CLEC2D: variants seen among roughly 807,000 people sequenced by gnomAD.
The protein encoded by CLEC2D is C-type lectin related f.
A neutral mutation model predicts 20.0 loss-of-function variants in CLEC2D; 16 were observed. The ratio of observed to expected loss-of-function variants is 0.80; its 90% CI spans 0.54 to 1.22. The LOEUF (loss-of-function observed/expected upper bound fraction) is 1.22, where lower values mean the gene tolerates loss of function less well. CLEC2D is among the 50% of genes most tolerant of loss of function. CLEC2D has a pLI of 0.00. For missense variants in CLEC2D, 207 were observed against 221.5 expected (o/e 0.93, Z 0.42); for synonymous variants, 77 against 71.1 (o/e 1.08, Z -0.42).
chr12:9,692,197 G>A (rs1429525741), intron 3 of CLEC2D, among the ~76,000 whole-genome samples: 5 of 152,046 alleles, frequency 3.3e-5, no homozygotes, highest in Non-Finnish European at 4.4e-5. Context: ...GTGCAGTGGC[G>A]TGATCTTGGC....
In CLEC2D at chr12:9,669,811, C is replaced by T. The variant is rs1475820727; in HGVS notation, c.61+16C>T. 2 of 1,594,626 alleles carry T rather than the reference C, an allele frequency of 1.3e-6. No individual in the cohort carries two copies. The highest frequency in any genetic ancestry group is 8.6e-7 in the Non-Finnish European group (1 of 1,162,766). ...GCAAACCCAGGTAAGAAGCTGGGCT[C>T]TACAGAGTAAGTGTGAGGACTGGAA... On this transcript the variant is annotated intron_variant, in intron 1 of 4. Coordinates refer to ENST00000290855, the MANE Select transcript of CLEC2D (RefSeq NM_013269.6).
At chr12:9,672,359 G>A (rs777956558) in intron 1 of CLEC2D, among the ~76,000 whole-genome samples, 2 of 152,262 alleles carry the variant, frequency 1.3e-5, no homozygotes, top group African/African-American at 4.8e-5. Flanking sequence ...TCAAACCATA[G>A]CAGTCTCTAA....
At chr12:9,679,763 G>T (rs1488145264) in intron 1 of CLEC2D, among the ~76,000 whole-genome samples, 2 of 152,128 alleles carry the variant, frequency 1.3e-5, no homozygotes, top group Non-Finnish European at 2.9e-5. Flanking sequence ...CTAGTGTTGG[G>T]GGGAATGTTG....
chr12:9,683,678 G>C (rs966872755), intron 2 of CLEC2D, among the ~76,000 whole-genome samples: 1 of 152,052 alleles, frequency 6.6e-6, no homozygotes, highest in Admixed American at 6.5e-5. Context: ...AAGATCAGAT[G>C]GTTGTAGATG....
At chr12:9,670,582 G>C (rs35237063) in intron 1 of CLEC2D, among the ~76,000 whole-genome samples, 8,965 of 152,262 alleles carry the variant, frequency 0.059, 319 homozygotes, top group Non-Finnish European at 0.084. Flanking sequence ...TCCTTGGCTT[G>C]TGTTTTCTTT....
At chr12:9,675,845 T>C (rs1865511026) in intron 1 of CLEC2D, among the ~76,000 whole-genome samples, 3 of 152,242 alleles carry the variant, frequency 2.0e-5, no homozygotes, top group Non-Finnish European at 2.9e-5. Flanking sequence ...ACATATAGAT[T>C]TTGTATATAT....
chr12:9,679,089 GTTAT>G (rs1332046227), intron 1 of CLEC2D, among the ~76,000 whole-genome samples: 2 of 151,924 alleles, frequency 1.3e-5, no homozygotes, highest in Non-Finnish European at 2.9e-5. Context: ...TGTCATTTCT[GTTAT>G]TTATTTTATT....
intron 1 of CLEC2D, among the ~76,000 whole-genome samples, chr12:9,674,996 A>C (rs1865493583): frequency 6.6e-6 from 1 of 152,134 alleles, no homozygotes; most frequent in South Asian, 2.1e-4. Flanking sequence ...AAAAATGTAA[A>C]ATCTGGGCCT....
Position 9,698,065 on chromosome 12 carries a change from C to T in CLEC2D, c.*3191C>T, listed in dbSNP as rs1165840735. 1.3e-5 allele frequency: 2 copies of T among 152,086 alleles called. No individual in the cohort carries two copies. The highest frequency in any genetic ancestry group is 2.9e-5 in the Non-Finnish European group (2 of 68,022). The allele number at this position is 152,086 out of a possible 1,614,324, so 9.4% of individuals were successfully genotyped here. A position where few individuals can be genotyped will look rare whatever the true frequency, so the allele number is the denominator to read the frequency against. On this transcript the variant is annotated 3_prime_UTR_variant, in exon 5 of 5. Coordinates refer to ENST00000290855, the MANE Select transcript of CLEC2D (RefSeq NM_013269.6). ...GAGATACATGATAAATTTCTATCTG[C>T]AGTTGCTATTTGCATTTTTAAAGGA...
In CLEC2D at chr12:9,698,057, T is replaced by A. The variant is rs1431366790; in HGVS notation, c.*3183T>A. ...CACATTGGGAGATACATGATAAATTTCTATCTGCAGTTGCTATTTGCATTT... is the reference window on the plus strand; with the variant it reads ...CACATTGGGAGATACATGATAAATTACTATCTGCAGTTGCTATTTGCATTT... On this transcript the variant is annotated 3_prime_UTR_variant, in exon 5 of 5. Coordinates refer to ENST00000290855, the MANE Select transcript of CLEC2D (RefSeq NM_013269.6). 1 of 152,198 alleles carries A rather than the reference T, an allele frequency of 6.6e-6. No homozygotes were observed. Among genetic ancestry groups the A allele is most frequent in the Non-Finnish European group, 1.5e-5 (1 of 68,036 alleles). 9.4% of individuals were successfully genotyped at this position (152,198 alleles called of 1,614,324 possible).
intron 4 of CLEC2D, chr12:9,693,969 CTTTTTTTTTT>C (rs67746754): frequency 9.4e-5 from 6 of 63,678 alleles, no homozygotes; most frequent in South Asian, 2.4e-4. Context: ...CCTTGCTTGG[CTTTTTTTTTT>C]TTTTTTTTTT....
chr12:9,695,175 G>A lies in CLEC2D; in HGVS notation c.*301G>A. On this transcript the variant is annotated 3_prime_UTR_variant, in exon 5 of 5. Coordinates refer to ENST00000290855, the MANE Select transcript of CLEC2D (RefSeq NM_013269.6). The stretch of plus-strand genomic sequence containing the variant: ...GGGAGGTCTTGCAATCATGACAGAA[G>A]GCAAATGGGAAGCAAAGTCATGTCT... 1.7e-6 allele frequency: 1 copy of A among 587,004 alleles called. No individual in the cohort carries two copies. Among genetic ancestry groups the A allele is most frequent in the South Asian group, 2.0e-5 (1 of 49,902 alleles). The allele number at this position is 587,004 out of a possible 1,614,324, so 36.4% of individuals were successfully genotyped here.
At chr12:9,680,698 G>C (rs1188241253) in intron 1 of CLEC2D, among the ~76,000 whole-genome samples, 2 of 152,098 alleles carry the variant, frequency 1.3e-5, no homozygotes, top group Non-Finnish European at 2.9e-5. Flanking sequence ...CCAATTGAAA[G>C]GGTAACTTGA....
At chr12:9,679,044 A>T (rs1399557025) in intron 1 of CLEC2D, among the ~76,000 whole-genome samples, 1 of 152,212 alleles carries the variant, frequency 6.6e-6, no homozygotes, top group African/African-American at 2.4e-5. Context: ...AGTACCTTAT[A>T]ATAAAAAAAT....
Position 9,696,381 on chromosome 12 carries a change from T to G in CLEC2D, c.*1507T>G, listed in dbSNP as rs1865994515. On this transcript the variant is annotated 3_prime_UTR_variant, in exon 5 of 5. Transcript: ENST00000290855. ...TCCAGGTTCTATTGCCAAGAATGTG[T>G]TGTCCAAAATGCCTGTTTAGTTTTT... is the stretch of plus-strand genomic sequence containing the variant. The G allele has an allele frequency of 8.0e-6, 4 of 497,784 alleles. No individual in the cohort carries two copies. The highest frequency in any genetic ancestry group is 7.3e-6 in the Non-Finnish European group (2 of 273,534). 30.8% of individuals were successfully genotyped at this position (497,784 alleles called of 1,614,324 possible).
In CLEC2D at chr12:9,697,625, A is replaced by T. The variant is rs1866028657; in HGVS notation, c.*2751A>T. Reference sequence around the variant, plus strand: ...GGTCTCAGCACTGTTATTTGAAACAATGTAAATAAACCTATAGGGTTTATT... The same window carrying T: ...GGTCTCAGCACTGTTATTTGAAACATTGTAAATAAACCTATAGGGTTTATT... On this transcript the variant is annotated 3_prime_UTR_variant, in exon 5 of 5. Transcript: ENST00000290855. The T allele has an allele frequency of 6.6e-6, 1 of 152,166 alleles. No homozygotes were observed. Among genetic ancestry groups the T allele is most frequent in the South Asian group, 2.1e-4 (1 of 4,826 alleles). The allele number at this position is 152,166 out of a possible 1,614,324, so 9.4% of individuals were successfully genotyped here.
intron 3 of CLEC2D, among the ~76,000 whole-genome samples, chr12:9,692,341 G>T (rs964619770): frequency 3.3e-5 from 5 of 151,988 alleles, no homozygotes; most frequent in African/African-American, 4.8e-5. Flanking sequence ...GCTTCATCAT[G>T]TTGGCCAAGC....
intron 2 of CLEC2D, among the ~76,000 whole-genome samples, chr12:9,681,288 G>A (rs1293016429): frequency 6.6e-6 from 1 of 151,856 alleles, no homozygotes; most frequent in Non-Finnish European, 1.5e-5. Flanking sequence ...GAATATTGAT[G>A]CAAAAATTAA....
At chr12:9,679,125 A>T (rs1254509580) in intron 1 of CLEC2D, among the ~76,000 whole-genome samples, 1 of 152,178 alleles carries the variant, frequency 6.6e-6, no homozygotes. Flanking sequence ...ATACATAAGC[A>T]TATAAATATA....
Sources: gnomAD v4.1 joint callset for allele counts (sites outside exome capture counted in the v4.1 genomes callset) on GRCh38, gnomAD v4.1.1 for gene constraint, MANE v1.5 for transcripts, NCBI Gene and HGNC (gene_info 2026-07-23, HGNC 2026-07-21) for gene names.